The following MAP3K8 variants were observed in gnomAD, a reference collection of about 807,000 sequenced individuals.
MAP3K8 encodes the protein Ewing sarcoma transformant.
In MAP3K8, 22 loss-of-function variants were observed where a neutral mutation model predicts 45.8. The ratio of observed to expected loss-of-function variants is 0.48; its 90% CI spans 0.34 to 0.69. The LOEUF (loss-of-function observed/expected upper bound fraction) is 0.69, where lower values mean the gene tolerates loss of function less well. Ranked by LOEUF, MAP3K8 falls within the 30% of genes least tolerant of loss-of-function variation. The pLI, the probability that MAP3K8 is intolerant of heterozygous loss-of-function variation, is 0.01. For missense variants in MAP3K8, 419 were observed against 585.0 expected, an observed-to-expected ratio of 0.72 and a Z score of 2.93; for synonymous variants, 223 against 214.3, an observed-to-expected ratio of 1.04 and a Z score of -0.36.
chr10:30,453,612 C>T (rs1158408759), intron 6 of MAP3K8, among the ~76,000 whole-genome samples: 4 of 152,174 alleles, frequency 2.6e-5, no homozygotes, highest in African/African-American at 9.7e-5. Flanking sequence ...GTGGCAGGTT[C>T]TTGTGAGCAC....
At chr10:30,451,023 C>T (rs756993168) in intron 5 of MAP3K8, among the ~76,000 whole-genome samples, 4 of 144,328 alleles carry the variant, frequency 2.8e-5, no homozygotes, top group African/African-American at 1.0e-4. Flanking sequence ...ATCTGGGAGG[C>T]GGAGGTTGCA....
chr10:30,440,928 C>A (rs917771682), intron 3 of MAP3K8, among the ~76,000 whole-genome samples: 1 of 152,032 alleles, frequency 6.6e-6, no homozygotes, highest in Non-Finnish European at 1.5e-5. Flanking sequence ...ATTCCGTGGC[C>A]TATCTGGGAA....
chr10:30,457,207 C>G (rs1019059245), intron 6 of MAP3K8, among the ~76,000 whole-genome samples: 6 of 152,116 alleles, frequency 3.9e-5, no homozygotes, highest in African/African-American at 7.2e-5. Flanking sequence ...AAAACCAGCC[C>G]TGTTTATTCA....
At chr10:30,458,990 T>C (rs921401926) in intron 7 of MAP3K8, among the ~76,000 whole-genome samples, 3 of 152,054 alleles carry the variant, frequency 2.0e-5, no homozygotes, top group Non-Finnish European at 4.4e-5. Flanking sequence ...GGTGAGAGGA[T>C]CACTTGAGCC....
At chr10:30,449,598 A>C (rs576853150) in intron 4 of MAP3K8, among the ~76,000 whole-genome samples, 1 of 152,330 alleles carries the variant, frequency 6.6e-6, no homozygotes, top group South Asian at 2.1e-4. Context: ...AATAATTGCC[A>C]AATATTATGT....
chr10:30,438,190 T>G (rs1835975027), intron 2 of MAP3K8, among the ~76,000 whole-genome samples: 1 of 152,224 alleles, frequency 6.6e-6, no homozygotes, highest in African/African-American at 2.4e-5. Context: ...GATGTTTGCT[T>G]TGCACTATTA....
At chr10:30,440,335 A>G (rs1836057744) in intron 3 of MAP3K8, among the ~76,000 whole-genome samples, 3 of 152,224 alleles carry the variant, frequency 2.0e-5, no homozygotes, top group African/African-American at 2.4e-5. Context: ...CTTTTGGTGT[A>G]TCTAAATGGC....
rs76259773 is a variant in MAP3K8, at chr10:30,460,873, A to G, written c.*37A>G. The G allele has an allele frequency of 6.2e-7, 1 of 1,609,636 alleles. No individual in the cohort carries two copies. The highest frequency in any genetic ancestry group is 8.5e-7 in the Non-Finnish European group (1 of 1,179,336). ...TTTGCTCTAAATTAAGACAGCATTG[A>G]TCTCCTGGAGGCTGGTTCTGCTGCC... is the stretch of plus-strand genomic sequence containing the variant. On this transcript the variant is annotated 3_prime_UTR_variant, in exon 9 of 9. Coordinates refer to ENST00000263056, the MANE Select transcript of MAP3K8 (RefSeq NM_005204.4).
chr10:30,446,360 C>A (rs966467267), intron 3 of MAP3K8, among the ~76,000 whole-genome samples: 1 of 152,082 alleles, frequency 6.6e-6, no homozygotes, highest in Non-Finnish European at 1.5e-5. Context: ...CATGGTAAAA[C>A]CCCATCTCTA....
chr10:30,450,122 G>A, intron 4 of MAP3K8, 136 bp from the exon 5 acceptor site: 1 of 664,558 alleles, frequency 1.5e-6, no homozygotes, highest in South Asian at 2.4e-5. Context: ...TTGTAACTGG[G>A]CAGTCCATTT....
intron 3 of MAP3K8, 114 bp downstream of exon 3, chr10:30,439,388 A>T (rs1312877023): frequency 8.2e-6 from 12 of 1,468,894 alleles, no homozygotes; most frequent in South Asian, 2.8e-5. Context: ...GCATGATTTT[A>T]AAAAATGTAA....
Position 30,461,626 on chromosome 10 carries a change from T to G in MAP3K8, c.*790T>G, listed in dbSNP as rs1836942814. 1.1e-5 allele frequency: 2 copies of G among 187,694 alleles called. No homozygotes were observed. The highest frequency in any genetic ancestry group is 4.7e-5 in the African/African-American group (2 of 42,780). The allele number at this position is 187,694 out of a possible 1,614,324, so 11.6% of individuals were successfully genotyped here. A position where few individuals can be genotyped will look rare whatever the true frequency, so the allele number is the denominator to read the frequency against. On this transcript the variant is annotated 3_prime_UTR_variant, in exon 9 of 9. Coordinates refer to ENST00000263056, the MANE Select transcript of MAP3K8 (RefSeq NM_005204.4). ...GTAATTCTTATGACTAAATTTTCTT[T>G]TAAGCATTTGTATATTAAAATAGCA...
intron 7 of MAP3K8, 45 bp from the exon 8 acceptor site, chr10:30,459,210 T>C: frequency 6.2e-7 from 1 of 1,611,424 alleles, no homozygotes; most frequent in Non-Finnish European, 8.5e-7. Flanking sequence ...CTGTTGAGGG[T>C]GTATCACCAT....
chr10:30,436,134 AT>A (rs1210200738), intron 1 of MAP3K8, among the ~76,000 whole-genome samples: 5 of 152,220 alleles, frequency 3.3e-5, no homozygotes, highest in African/African-American at 9.7e-5. Context: ...GGAAGTAGGA[AT>A]TTTATGAGGA....
chr10:30,449,554 T>A (rs1165790290), intron 4 of MAP3K8, among the ~76,000 whole-genome samples: 2 of 152,234 alleles, frequency 1.3e-5, no homozygotes, highest in African/African-American at 4.8e-5. Flanking sequence ...CAAAATAAAA[T>A]ACACTCACTT....
In MAP3K8 at chr10:30,451,641, G is replaced by T; in HGVS notation, c.770G>T (p.Ser257Ile). The T allele has an allele frequency of 6.3e-7, 1 of 1,575,810 alleles. No individual in the cohort carries two copies. The highest frequency in any genetic ancestry group is 8.6e-7 in the Non-Finnish European group (1 of 1,156,490). Residue 257 changes from serine (S) to isoleucine (I), a missense_variant, in exon 6 of 9, where the codon AGC becomes ATC. Coordinates refer to ENST00000263056, the MANE Select transcript of MAP3K8 (RefSeq NM_005204.4). ...KKVIHHDIKP[S>I]NIVFMSTKAV... ...AAAATATTTCCTCTCATTTTAGCTA[G>T]CAACATTGTTTTCATGTCCACAAAA...
At position 30,458,219 on chromosome 10, in the gene MAP3K8, C is replaced by T. The variant is rs1398803716; in HGVS notation, c.1009C>T (p.Pro337Ser). 2 of 1,574,678 alleles carry T rather than the reference C, an allele frequency of 1.3e-6. No individual in the cohort carries two copies. The highest frequency in any genetic ancestry group is 1.7e-6 in the Non-Finnish European group (2 of 1,159,546). Reference protein sequence around the residue: ...WVKRYPRSAYPSYLYIIHKQA... With the variant: ...WVKRYPRSAYSSYLYIIHKQA... ...GAAGCGCTACCCTCGCTCAGCCTAT[C>T]CCTCCTACCTGTACATAGTAAGTGG... The change falls in exon 7 of 9, where the codon CCC (proline) becomes TCC (serine). Residue 337 changes from proline (P) to serine (S), a missense_variant. Coordinates refer to ENST00000263056, the MANE Select transcript of MAP3K8 (RefSeq NM_005204.4).
intron 4 of MAP3K8, 116 bp from the exon 5 acceptor site, chr10:30,450,142 G>A: frequency 1.1e-6 from 1 of 918,552 alleles, no homozygotes; most frequent in Non-Finnish European, 1.6e-6. Flanking sequence ...TTCACACAGG[G>A]CAGAGTATTC....
In MAP3K8 at chr10:30,458,145, GC is replaced by G; in HGVS notation, c.937del (p.Leu313TrpfsTer16). The G allele has an allele frequency of 6.3e-7, 1 of 1,595,386 alleles. No homozygotes were observed. The highest frequency in any genetic ancestry group is 8.5e-7 in the Non-Finnish European group (1 of 1,170,588). ...RGHSTKADIYSLGATLIHMQT... is the reference protein window; with the variant it reads ...RGHSTKADIYXLGATLIHMQT... ...CATTCAACCAAAGCAGACATCTACA[GC>G]CTGGGGGCCACGCTCATCCACATGC... On this transcript the variant is annotated frameshift_variant, in exon 7 of 9. Coordinates refer to ENST00000263056, the MANE Select transcript of MAP3K8 (RefSeq NM_005204.4). LOFTEE classifies it high-confidence loss of function.
Sources: gnomAD v4.1 joint callset for allele counts (sites outside exome capture counted in the v4.1 genomes callset) on GRCh38, gnomAD v4.1.1 for gene constraint, MANE v1.5 for transcripts, NCBI Gene and HGNC (gene_info 2026-07-23, HGNC 2026-07-21) for gene names.